The following AP2B1 variants were observed in gnomAD, a reference collection of about 807,000 sequenced individuals.
AP2B1 encodes the protein adaptor related protein complex 2 subunit beta 1.
In AP2B1, 23 loss-of-function variants were observed where a neutral mutation model predicts 102.0. The observed-to-expected ratio is 0.23, with a 90% confidence interval of 0.16 to 0.32. AP2B1 has a LOEUF of 0.32. Among genes scored for constraint, AP2B1 ranks in the 10% least tolerant of loss-of-function variants. The pLI is 1.00. For missense variants in AP2B1, 541 were observed against 1,157.4 expected, an observed-to-expected ratio of 0.47 and a Z score of 7.73; for synonymous variants, 381 against 421.2, an observed-to-expected ratio of 0.90 and a Z score of 1.17.
intron 18 of AP2B1, among the ~76,000 whole-genome samples, chr17:35,692,486 G>A (rs587633249): frequency 7.9e-5 from 12 of 152,258 alleles, no homozygotes; most frequent in East Asian, 3.9e-4. Context: ...AATTCTGGAC[G>A]TAAAATAGCT....
rs546126091 is a variant in AP2B1 at position 35,610,019 on chromosome 17, C to G, written c.525+1632C>G. On this transcript the variant is annotated intron_variant, in intron 5 of 21. Transcript: ENST00000610402. The stretch of plus-strand genomic sequence containing the variant: ...CTTTCAACCTAGGCATAAGGGTGGG[C>G]GTCGGTGTGGGTGTGGAAGTGCAGA... 4.6e-5 allele frequency among the ~76,000 whole-genome samples: 7 copies of G among 152,218 alleles called. No individual in the cohort carries two copies. The East Asian group carries it at 1.2e-3, about 25-fold the overall frequency.
At chr17:35,598,525 T>C (rs541868794) in intron 3 of AP2B1, among the ~76,000 whole-genome samples, 190 bp downstream of exon 3, 1 of 152,308 alleles carries the variant, frequency 6.6e-6, no homozygotes, top group East Asian at 1.9e-4. Flanking sequence ...TTGTTTGTTA[T>C]GGGGTGTGTG....
chr17:35,712,428 AC>A (rs2076470221), intron 20 of AP2B1, among the ~76,000 whole-genome samples: 1 of 152,286 alleles, frequency 6.6e-6, no homozygotes, highest in Admixed American at 6.5e-5. Flanking sequence ...GGAGATCGAG[AC>A]CATCCTGGCT....
At chr17:35,634,995 T>C (rs2074565275) in intron 9 of AP2B1, among the ~76,000 whole-genome samples, 1 of 152,104 alleles carries the variant, frequency 6.6e-6, no homozygotes, top group Non-Finnish European at 1.5e-5. Flanking sequence ...CTGGACTTTT[T>C]GTATATACAG....
chr17:35,691,594 C>T (rs2076042616), intron 18 of AP2B1, among the ~76,000 whole-genome samples: 1 of 152,170 alleles, frequency 6.6e-6, no homozygotes, highest in East Asian at 1.9e-4. Context: ...TTTGTGGGAC[C>T]ACGATGCTCC....
At chr17:35,632,525 T>C (rs910238551) in intron 9 of AP2B1, among the ~76,000 whole-genome samples, 1 of 152,196 alleles carries the variant, frequency 6.6e-6, no homozygotes, top group African/African-American at 2.4e-5. Flanking sequence ...CAGAACAAAT[T>C]GTTCTTTCCT....
chr17:35,725,354 G>C lies in AP2B1; in HGVS notation c.*1655G>C, dbSNP rs370733941. 4 of 152,278 alleles carry C rather than the reference G, an allele frequency of 2.6e-5. No individual in the cohort carries two copies. Among genetic ancestry groups the C allele is most frequent in the African/African-American group, 7.2e-5 (3 of 41,550 alleles). The allele number at this position is 152,278 out of a possible 1,614,324, so 9.4% of individuals were successfully genotyped here. The stretch of plus-strand genomic sequence containing the variant: ...ATCAGGGGCACTTCAGGCTCCACAG[G>C]CGTCATGTTGGACTGAGACCTAACT... On this transcript the variant is annotated 3_prime_UTR_variant, in exon 22 of 22. Transcript: ENST00000610402.
At chr17:35,723,126 C>T (rs1232968755) in intron 21 of AP2B1, among the ~76,000 whole-genome samples, 1 of 152,154 alleles carries the variant, frequency 6.6e-6, no homozygotes, top group African/African-American at 2.4e-5. Flanking sequence ...CATTATAATA[C>T]AGAAAGGACT....
intron 21 of AP2B1, among the ~76,000 whole-genome samples, chr17:35,721,893 A>G (rs1408673753): frequency 6.6e-6 from 1 of 152,136 alleles, no homozygotes; most frequent in Non-Finnish European, 1.5e-5. Flanking sequence ...ATATTCTCCC[A>G]CTAGAATTTT....
At chr17:35,612,902 A>G (rs78443478) in intron 5 of AP2B1, among the ~76,000 whole-genome samples, 1 of 123,360 alleles carries the variant, frequency 8.1e-6, no homozygotes. Context: ...ACACACACAC[A>G]CACACAGAAC....
At chr17:35,601,831 G>A (rs959736353) in intron 3 of AP2B1, among the ~76,000 whole-genome samples, 1 of 149,604 alleles carries the variant, frequency 6.7e-6, no homozygotes, top group African/African-American at 2.5e-5. Context: ...AGGCTGCAGC[G>A]CAATGGCGTG....
At chr17:35,624,771 A>G (rs897536756) in intron 6 of AP2B1, among the ~76,000 whole-genome samples, 184 bp downstream of exon 6, 1 of 152,148 alleles carries the variant, frequency 6.6e-6, no homozygotes, top group Non-Finnish European at 1.5e-5. Flanking sequence ...ATGCAAAACT[A>G]TTTCTAAGAA....
At chr17:35,601,534 GT>G (rs979019880) in intron 3 of AP2B1, among the ~76,000 whole-genome samples, 2 of 152,178 alleles carry the variant, frequency 1.3e-5, no homozygotes, top group African/African-American at 4.8e-5. Context: ...CCCCCGAAGT[GT>G]TGGGATTACA....
At chr17:35,702,618 G>T (rs1316258488) in intron 18 of AP2B1, among the ~76,000 whole-genome samples, 2 of 152,180 alleles carry the variant, frequency 1.3e-5, no homozygotes, top group African/African-American at 4.8e-5. Flanking sequence ...GATCACTCTG[G>T]CTGCTATGTT....
At chr17:35,644,663 G>A (rs1048823131) in intron 12 of AP2B1, among the ~76,000 whole-genome samples, 2 of 151,724 alleles carry the variant, frequency 1.3e-5, no homozygotes, top group African/African-American at 4.8e-5. Flanking sequence ...GGGATTATAA[G>A]TGTGAGCCAC....
chr17:35,624,543 C>T lies in AP2B1; in HGVS notation c.672C>T (p.Asp224=), dbSNP rs781781708. The change falls in exon 6 of 22, where the codon GAC becomes GAT. Residue 224 remains aspartate (D), a synonymous_variant. Transcript: ENST00000610402. ...CTEWGQIFIL[D]CLSNYNPKDD... The stretch of plus-strand genomic sequence containing the variant: ...AATGGGGCCAGATTTTCATCCTGGA[C>T]TGCCTGTCTAATTACAACCCTAAAG... The T allele has an allele frequency of 5.6e-6, 9 of 1,614,154 alleles. No individual in the cohort carries two copies. Among genetic ancestry groups the T allele is most frequent in the South Asian group, 3.3e-5 (3 of 91,060 alleles).
At chr17:35,618,536 A>T (rs2074087200) in intron 5 of AP2B1, among the ~76,000 whole-genome samples, 1 of 152,224 alleles carries the variant, frequency 6.6e-6, no homozygotes, top group African/African-American at 2.4e-5. Context: ...AACAGGAAGA[A>T]GTCACTGAAC....
At chr17:35,721,938 G>C (rs1007169633) in intron 21 of AP2B1, among the ~76,000 whole-genome samples, 1 of 152,168 alleles carries the variant, frequency 6.6e-6, no homozygotes, top group Non-Finnish European at 1.5e-5. Flanking sequence ...CTGTAGAGAA[G>C]GAGGTACAAG....
chr17:35,686,627 A>G, intron 18 of AP2B1, among the ~76,000 whole-genome samples: 1 of 152,138 alleles, frequency 6.6e-6, no homozygotes, highest in South Asian at 2.1e-4. Context: ...AGTTTTCAGG[A>G]TGATAAAAGC....
Sources: gnomAD v4.1 joint callset for allele counts (sites outside exome capture counted in the v4.1 genomes callset) on GRCh38, gnomAD v4.1.1 for gene constraint, MANE v1.5 for transcripts, NCBI Gene and HGNC (gene_info 2026-07-23, HGNC 2026-07-21) for gene names.